Variants in SCPEP1 observed in about 807,000 individuals in gnomAD.
SCPEP1 encodes the protein serine carboxypeptidase 1.
SCPEP1 carries 51 observed loss-of-function variants against 63.8 expected under a neutral mutation model. The observed-to-expected ratio is 0.80, with a 90% CI of 0.64 to 1.01. The LOEUF is 1.01. Ranked by LOEUF, SCPEP1 falls within the 50% of genes least tolerant of loss-of-function variation. The probability of loss-of-function intolerance (pLI) is 0.00; values close to 1 mark genes in which losing one functional copy is unlikely to be tolerated. For synonymous variants in SCPEP1, 204 were observed against 207.8 expected (o/e 0.98, Z 0.16); for missense variants, 499 against 554.9 (o/e 0.90, Z 1.01).
intron 5 of SCPEP1, among the ~76,000 whole-genome samples, chr17:56,989,299 C>G (rs1460469688): frequency 6.6e-6 from 1 of 152,156 alleles, no homozygotes; most frequent in East Asian, 1.9e-4. Flanking sequence ...AAATCTTCAG[C>G]TTTTATTAGT....
At chr17:56,992,026 A>G (rs992844459) in intron 6 of SCPEP1, among the ~76,000 whole-genome samples, 1 of 152,224 alleles carries the variant, frequency 6.6e-6, no homozygotes, top group African/African-American at 2.4e-5. Flanking sequence ...GAGGCTGCCT[A>G]GGGGCAAAGG....
rs1567870025 is a variant in SCPEP1, at chr17:57,000,964, A to C, written c.1104A>C (p.Gly368=). 2.5e-6 allele frequency: 4 copies of C among 1,614,142 alleles called. No individual in the cohort carries two copies. Among genetic ancestry groups the C allele is most frequent in the Non-Finnish European group, 3.4e-6 (4 of 1,180,012 alleles). The change falls in exon 11 of 13, where the codon GGA becomes GGC. Residue 368 remains glycine, a synonymous_variant. Transcript: ENST00000262288. Reference sequence around the variant, plus strand: ...GGATCAACGTGACGGTGTATAATGGACAGCTGGATCTCATCGTAGATACCA... The same window carrying C: ...GGATCAACGTGACGGTGTATAATGGCCAGCTGGATCTCATCGTAGATACCA... ...EAGINVTVYN[G]QLDLIVDTMG... is the part of the protein sequence containing the mutation.
At chr17:56,995,316 A>G (rs1911512330) in intron 7 of SCPEP1, 191 bp from the exon 8 acceptor site, 1 of 609,852 alleles carries the variant, frequency 1.6e-6, no homozygotes, top group African/African-American at 1.9e-5. Flanking sequence ...CACGGTGAAT[A>G]CCTACTTAGG....
chr17:56,990,464 T>G (rs1425988331), intron 5 of SCPEP1, among the ~76,000 whole-genome samples: 2 of 152,210 alleles, frequency 1.3e-5, no homozygotes, highest in Non-Finnish European at 2.9e-5. Flanking sequence ...CTGATGGAGA[T>G]CACTATAGTT....
chr17:56,997,314 C>A (rs1911599068), intron 9 of SCPEP1, among the ~76,000 whole-genome samples: 1 of 152,162 alleles, frequency 6.6e-6, no homozygotes, highest in Non-Finnish European at 1.5e-5. Flanking sequence ...CCACAGGCAA[C>A]CACTCATCTG....
intron 5 of SCPEP1, among the ~76,000 whole-genome samples, chr17:56,990,278 A>C (rs897427888): frequency 6.6e-6 from 1 of 152,258 alleles, no homozygotes; most frequent in Non-Finnish European, 1.5e-5. Flanking sequence ...AATGAGACAA[A>C]GTAAAAGACT....
rs1361270663 is a variant in SCPEP1 at position 56,987,817 on chromosome 17, G to C, written c.438G>C (p.Leu146=). 3.1e-6 allele frequency: 5 copies of C among 1,614,156 alleles called. No homozygotes were observed. ...AMVASDMMVL[L]KTFFSCHKEF... ...TGGCTTCAGACATGATGGTTCTCCT[G>C]AAGACCTTCTTCAGTTGCCACAAAG... Residue 146 remains leucine, a synonymous_variant, in exon 4 of 13, where the codon CTG becomes CTC. Coordinates refer to ENST00000262288, the MANE Select transcript of SCPEP1 (RefSeq NM_021626.3).
At chr17:56,993,425 GTT>G (rs142471280) in intron 6 of SCPEP1, among the ~76,000 whole-genome samples, 309 of 152,186 alleles carry the variant, frequency 2.0e-3, no homozygotes, top group Middle Eastern at 0.01. Flanking sequence ...TGGTAAATAA[GTT>G]TTTGTTGTTT....
At chr17:56,987,877 G>C in intron 4 of SCPEP1, 27 bp downstream of exon 4, 1 of 1,612,082 alleles carries the variant, frequency 6.2e-7, no homozygotes, top group Non-Finnish European at 8.5e-7. Context: ...GAACAGCTAA[G>C]TAAAGGGCTG....
intron 12 of SCPEP1, among the ~76,000 whole-genome samples, chr17:57,002,430 AT>A (rs1911767394): frequency 6.6e-6 from 1 of 152,132 alleles, no homozygotes; most frequent in Non-Finnish European, 1.5e-5. Flanking sequence ...AAATATGAAA[AT>A]TAGGCCAGGC....
chr17:56,998,635 G>C, intron 10 of SCPEP1, 137 bp downstream of exon 10: 1 of 657,550 alleles, frequency 1.5e-6, no homozygotes, highest in Non-Finnish European at 2.8e-6. Context: ...TACTATCCAC[G>C]TTTTGTAGGT....
intron 10 of SCPEP1, among the ~76,000 whole-genome samples, chr17:56,998,729 C>CT (rs1351254732): frequency 6.6e-6 from 1 of 152,060 alleles, no homozygotes; most frequent in East Asian, 1.9e-4. Context: ...CTGTGGGAGA[C>CT]TGAGTTGAGA....
intron 5 of SCPEP1, among the ~76,000 whole-genome samples, chr17:56,989,034 A>AT (rs1188164645): frequency 1.3e-5 from 2 of 152,014 alleles, no homozygotes; most frequent in Non-Finnish European, 2.9e-5. Flanking sequence ...AAAAAAAAAA[A>AT]AAATAATAAG....
intron 2 of SCPEP1, chr17:56,985,087 A>G (rs1439672788): frequency 2.6e-6 from 1 of 389,552 alleles, no homozygotes; most frequent in Non-Finnish European, 4.6e-6. Context: ...CCTGGGTGAC[A>G]AAGTTAGACT....
intron 6 of SCPEP1, among the ~76,000 whole-genome samples, chr17:56,993,886 C>G (rs1383407818): frequency 6.6e-6 from 1 of 152,162 alleles, no homozygotes; most frequent in Non-Finnish European, 1.5e-5. Context: ...GTCTCTGGCC[C>G]AGATCAAACA....
In SCPEP1 at chr17:56,988,408, T is replaced by C. The variant is rs542053055; in HGVS notation, c.546+118T>C. 7 of 682,598 alleles carry C rather than the reference T, an allele frequency of 1.0e-5. No individual in the cohort carries two copies. In the South Asian group the frequency reaches 1.8e-4, roughly 17 times the overall value. 42.3% of individuals were successfully genotyped at this position (682,598 alleles called of 1,614,324 possible). A position where few individuals can be genotyped will look rare whatever the true frequency, so the allele number is the denominator to read the frequency against. ...AGGGCCATGTACATGCAGAGTACGA[T>C]TAAATCTGTAGTAATAACCATAAAA... On this transcript the variant is annotated intron_variant, in intron 5 of 12. Transcript: ENST00000262288.
intron 6 of SCPEP1, among the ~76,000 whole-genome samples, chr17:56,993,444 TTTTG>T (rs1393288860): frequency 6.7e-6 from 1 of 148,774 alleles, no homozygotes; most frequent in African/African-American, 2.6e-5. Flanking sequence ...GTTTGTTTGT[TTTTG>T]TTTGTTTGTT....
intron 2 of SCPEP1, 120 bp downstream of exon 2, chr17:56,981,350 C>T (rs1195741560): frequency 9.2e-7 from 1 of 1,087,678 alleles, no homozygotes; most frequent in Non-Finnish European, 1.3e-6. Flanking sequence ...GCAGTGTGAC[C>T]TGGGGGTTCG....
Position 56,998,484 on chromosome 17 carries a change from A to T in SCPEP1, c.980A>T (p.Asp327Val). 2 of 1,613,222 alleles carry T rather than the reference A, an allele frequency of 1.2e-6. No homozygotes were observed. ...IRKKLKIIPE[D>V]QSWGGQATNV... ...AAGAAGCTCAAAATTATTCCTGAGGATCAATCCTGGGGAGGTACTTATATG... is the reference window on the plus strand; with the variant it reads ...AAGAAGCTCAAAATTATTCCTGAGGTTCAATCCTGGGGAGGTACTTATATG... Residue 327 changes from aspartate (D) to valine (V), a missense_variant, in exon 10 of 13, where the codon GAT becomes GTT. By Grantham distance (152) the Asp-to-Val change is radical (BLOSUM62 -3). Transcript: ENST00000262288.
Sources: allele counts gnomAD v4.1 joint callset (sites outside exome capture counted in the v4.1 genomes callset), GRCh38; gene constraint gnomAD v4.1.1; transcripts MANE v1.5; gene names NCBI Gene and HGNC (gene_info 2026-07-23, HGNC 2026-07-21).